The following SHISA9 variants were observed in gnomAD, a reference collection of about 807,000 sequenced individuals.
The protein encoded by SHISA9 is shisa family member 9.
SHISA9 carries 13 observed loss-of-function variants against 38.0 expected under a neutral mutation model. The ratio of observed to expected loss-of-function variants is 0.34; its 90% CI spans 0.22 to 0.54. The LOEUF (loss-of-function observed/expected upper bound fraction) is 0.54. Among genes scored for constraint, SHISA9 ranks in the 20% least tolerant of loss-of-function variants. The pLI is 0.91. For missense variants in SHISA9, 538 were observed against 575.8 expected (o/e 0.93, Z 0.67); for synonymous variants, 275 against 242.0 (o/e 1.14, Z -1.27).
At chr16:12,991,028 C>G (rs11866967) in intron 2 of SHISA9, among the ~76,000 whole-genome samples, 3,351 of 152,258 alleles carry the variant, frequency 0.022, 118 homozygotes, top group African/African-American at 0.076. Context: ...CCCAGTCTTG[C>G]TAGCATGAAA....
intron 2 of SHISA9, among the ~76,000 whole-genome samples, chr16:13,053,224 A>G (rs1365529221): frequency 6.6e-6 from 1 of 151,530 alleles, no homozygotes; most frequent in South Asian, 2.1e-4. Flanking sequence ...CGGCCTCCCA[A>G]AGTGCTGGGA....
At chr16:13,006,644 C>T (rs944557572) in intron 2 of SHISA9, among the ~76,000 whole-genome samples, 5 of 152,126 alleles carry the variant, frequency 3.3e-5, no homozygotes, top group East Asian at 1.9e-4. Context: ...GACAAGTTAG[C>T]GAAGAAATGA....
At chr16:13,444,598 G>T in the SHISA9 span, among the ~76,000 whole-genome samples, 1 of 152,020 alleles carries the variant, frequency 6.6e-6, no homozygotes, top group African/African-American at 2.4e-5. Context: ...CTCACTATGT[G>T]TGAGCAACAC....
chr16:13,002,248 C>G (rs761888842), intron 2 of SHISA9, among the ~76,000 whole-genome samples: 5 of 152,180 alleles, frequency 3.3e-5, no homozygotes, highest in Non-Finnish European at 7.3e-5. Flanking sequence ...TGGTTACTAA[C>G]TGGCAGAGAC....
intron 2 of SHISA9, among the ~76,000 whole-genome samples, chr16:13,094,241 C>G (rs994156512): frequency 6.6e-6 from 1 of 152,146 alleles, no homozygotes; most frequent in Admixed American, 6.6e-5. Context: ...TTTCTCCCCA[C>G]CTCGAAACTG....
the SHISA9 span, among the ~76,000 whole-genome samples, chr16:13,438,342 G>A: frequency 7.9e-5 from 12 of 152,128 alleles, no homozygotes; most frequent in Non-Finnish European, 1.5e-5. Flanking sequence ...AACAGTATCA[G>A]TTCCCCAATA....
chr16:13,039,960 G>C (rs2073115584), intron 2 of SHISA9, among the ~76,000 whole-genome samples: 1 of 152,080 alleles, frequency 6.6e-6, no homozygotes, highest in African/African-American at 2.4e-5. Context: ...TCTCCCCTGA[G>C]TCCTGCCAAC....
rs368810170 is a variant in SHISA9 at position 13,195,826 on chromosome 16, G to A, written c.692-7568G>A. Among the ~76,000 whole-genome samples, 38 of 152,150 alleles carry A rather than the reference G, an allele frequency of 2.5e-4. No individual in the cohort carries two copies. The East Asian group carries it at 4.4e-3, about 18-fold the overall frequency. The stretch of plus-strand genomic sequence containing the variant: ...CGTTTGGCCAGGCGTGGTGGCTCAC[G>A]CCTGTAATCTCAACACTTTAGGAGG... On this transcript the variant is annotated intron_variant, in intron 2 of 4. Transcript: ENST00000558583.
chr16:13,386,800 G>A, the SHISA9 span, among the ~76,000 whole-genome samples: 2 of 152,026 alleles, frequency 1.3e-5, no homozygotes, highest in African/African-American at 4.8e-5. Flanking sequence ...TTATTGTAAT[G>A]TTTAATTACT....
chr16:13,039,573 ATAAT>A (rs1410847380), intron 2 of SHISA9, among the ~76,000 whole-genome samples: 38 of 151,722 alleles, frequency 2.5e-4, no homozygotes, highest in Non-Finnish European at 5.9e-5. Context: ...AACACAGAGT[ATAAT>A]ATAAGCCCTT....
chr16:12,908,632 C>A, intron 1 of SHISA9: 1 of 1,550,318 alleles, frequency 6.5e-7, no homozygotes. Flanking sequence ...TGCAAACCTG[C>A]AGGAATTCCA....
chr16:13,257,554 T>C, the SHISA9 span, among the ~76,000 whole-genome samples: 2 of 152,144 alleles, frequency 1.3e-5, no homozygotes, highest in East Asian at 3.9e-4. Flanking sequence ...AATAACATCA[T>C]CTTATTTTGA....
At chr16:13,242,088 T>C (rs116147273), downstream of SHISA9, among the ~76,000 whole-genome samples, 394 of 152,342 alleles carry the variant, frequency 2.6e-3, 2 homozygotes, top group African/African-American at 9.0e-3. Context: ...CACATTTGGT[T>C]CTCACTGCAA....
At chr16:13,509,372 C>A in the SHISA9 span, among the ~76,000 whole-genome samples, 1 of 152,106 alleles carries the variant, frequency 6.6e-6, no homozygotes, top group African/African-American at 2.4e-5. Flanking sequence ...ACTCAGACTG[C>A]CTGGATTCAA....
chr16:13,232,864 T>A (rs1214359805), intron 4 of SHISA9, among the ~76,000 whole-genome samples: 1 of 152,164 alleles, frequency 6.6e-6, no homozygotes, highest in East Asian at 1.9e-4. Context: ...TTAGAGACAA[T>A]AGAAGACAAA....
the SHISA9 span, among the ~76,000 whole-genome samples, chr16:13,485,933 C>T: frequency 6.6e-6 from 1 of 152,120 alleles, no homozygotes; most frequent in Non-Finnish European, 1.5e-5. Flanking sequence ...ACATAATGAC[C>T]TTTGGTTCCA....
intron 2 of SHISA9, among the ~76,000 whole-genome samples, chr16:13,046,204 T>A (rs969938683): frequency 1.3e-5 from 2 of 152,208 alleles, no homozygotes; most frequent in Non-Finnish European, 2.9e-5. Flanking sequence ...AGATGAATAA[T>A]GAATGTAGAA....
At chr16:13,278,747 G>A in the SHISA9 span, among the ~76,000 whole-genome samples, 616 of 152,122 alleles carry the variant, frequency 4.0e-3, 7 homozygotes, top group African/African-American at 0.014. Flanking sequence ...TATTTCAGTG[G>A]TGTCAGTTGT....
chr16:13,004,261 G>C (rs1240549554), intron 2 of SHISA9, among the ~76,000 whole-genome samples: 1 of 152,174 alleles, frequency 6.6e-6, no homozygotes, highest in African/African-American at 2.4e-5. Flanking sequence ...TCCAAAAAAA[G>C]GGACATGATG....
Sources: gnomAD v4.1 joint callset for allele counts (sites outside exome capture counted in the v4.1 genomes callset) on GRCh38, gnomAD v4.1.1 for gene constraint, MANE v1.5 for transcripts, NCBI Gene and HGNC (gene_info 2026-07-23, HGNC 2026-07-21) for gene names.